Variants in BNC1 observed in about 807,000 individuals in gnomAD.
BNC1 encodes basonuclin zinc finger protein 1.
BNC1 carries 8 observed loss-of-function variants against 66.5 expected under a neutral mutation model. The ratio of observed to expected loss-of-function variants is 0.12; its 90% CI spans 0.07 to 0.22. The LOEUF (loss-of-function observed/expected upper bound fraction) is 0.22, where lower values mean the gene tolerates loss of function less well. BNC1 is among the 10% of genes least tolerant of loss of function. The probability of loss-of-function intolerance (pLI) is 1.00; values close to 1 mark genes in which losing one functional copy is unlikely to be tolerated. For missense variants in BNC1, 1,069 were observed against 1,241.3 expected (o/e 0.86, Z 2.09); for synonymous variants, 454 against 452.6 (o/e 1.00, Z -0.04).
chr15:83,258,060 A>G lies in BNC1; in HGVS notation c.2367T>C (p.Asp789=). The G allele has an allele frequency of 1.9e-6, 3 of 1,613,434 alleles. No individual in the cohort carries two copies. Among genetic ancestry groups the G allele is most frequent in the Non-Finnish European group, 2.5e-6 (3 of 1,179,378 alleles). Residue 789 remains aspartate (D), a synonymous_variant, in exon 5 of 5, where the codon GAT becomes GAC. Coordinates refer to ENST00000345382, the MANE Select transcript of BNC1 (RefSeq NM_001717.4). Reference sequence around the variant, plus strand: ...TCAGAAGGTAAGCTGCACGGAAATGATCTTCACTACTCTCCAATGCTTCCT... The same window carrying G: ...TCAGAAGGTAAGCTGCACGGAAATGGTCTTCACTACTCTCCAATGCTTCCT... The part of the protein sequence containing the change: ...LSQEALESSE[D]HFRAAYLLKD...
chr15:83,261,115 A>G (rs1480320820), intron 4 of BNC1, among the ~76,000 whole-genome samples: 1 of 152,238 alleles, frequency 6.6e-6, no homozygotes, highest in Non-Finnish European at 1.5e-5. Flanking sequence ...AGGATAGAAC[A>G]GTATCATAAA....
Position 83,268,127 on chromosome 15 carries a change from A to G in BNC1, c.199+6T>C, listed in dbSNP as rs368590111. 2 of 1,613,096 alleles carry G rather than the reference A, an allele frequency of 1.2e-6. No homozygotes were observed. Among genetic ancestry groups the G allele is most frequent in the East Asian group, 4.5e-5 (2 of 44,886 alleles). ...CAGGCCAAGAGAGGGTGAAAAATAA[A>G]GTTACCGTGGGCCACCCATCCATGC... On this transcript the variant is annotated splice_donor_region_variant and intron_variant, in intron 2 of 4. Coordinates refer to ENST00000345382, the MANE Select transcript of BNC1 (RefSeq NM_001717.4).
In BNC1 at chr15:83,257,677, T is replaced by C. The variant is rs1451283399; in HGVS notation, c.2750A>G (p.Gln917Arg). Reference protein sequence around the residue: ...PICVLMEKADQSLASLPSGLP... With the variant: ...PICVLMEKADRSLASLPSGLP... ...CCCAGAAGGCAGGCTAGCAAGGCTC[T>C]GGTCAGCCTTCTCCATCAGGACACA... The change falls in exon 5 of 5, where the codon CAG becomes CGG. Residue 917 changes from glutamine (Q) to arginine (R), a missense_variant. This residue lies in a region of BNC1 where 657 missense variants were observed against 715.8 expected (regional missense o/e 0.92). Coordinates refer to ENST00000345382, the MANE Select transcript of BNC1 (RefSeq NM_001717.4). 8.7e-6 allele frequency: 14 copies of C among 1,614,156 alleles called. No individual in the cohort carries two copies. The highest frequency in any genetic ancestry group is 1.2e-5 in the Non-Finnish European group (14 of 1,180,020).
At chr15:83,272,173 A>G (rs948255986) in intron 1 of BNC1, among the ~76,000 whole-genome samples, 1 of 152,222 alleles carries the variant, frequency 6.6e-6, no homozygotes, top group African/African-American at 2.4e-5. Context: ...GAAAAATTTT[A>G]AAAGGGAGAA....
At chr15:83,269,654 GA>G (rs2038251114) in intron 1 of BNC1, among the ~76,000 whole-genome samples, 6 of 152,050 alleles carry the variant, frequency 3.9e-5, no homozygotes, top group Admixed American at 3.9e-4. Flanking sequence ...AGCCACTTTG[GA>G]AAACATTCTG....
intron 1 of BNC1, among the ~76,000 whole-genome samples, chr15:83,280,801 A>G (rs1274633113): frequency 6.6e-6 from 1 of 152,242 alleles, no homozygotes; most frequent in African/African-American, 2.4e-5. Context: ...GAGACCATCA[A>G]ACTAATCTAA....
rs1040425302 is a variant in BNC1 at position 83,263,179 on chromosome 15, C to T, written c.2072G>A (p.Gly691Glu). 1.2e-6 allele frequency: 2 copies of T among 1,614,222 alleles called. No homozygotes were observed. The highest frequency in any genetic ancestry group is 1.7e-6 in the Non-Finnish European group (2 of 1,180,048). The change falls in exon 4 of 5, where the codon GGA becomes GAA. Residue 691 changes from glycine to glutamate, a missense_variant. Around this residue, in one of 7 missense-constraint regions of BNC1, gnomAD observed 657 missense variants for 715.8 expected, o/e 0.92. Transcript: ENST00000345382. ...GGLFSALSNR[G>E]MAFPCLEDSK... ...ATCTTCAAGACAAGGAAAAGCCATT[C>T]CCCTGTTGGACAAAGCACTGAAGAG... is the stretch of plus-strand genomic sequence containing the variant.
At chr15:83,269,029 G>A (rs2151437388) in intron 1 of BNC1, among the ~76,000 whole-genome samples, 1 of 152,282 alleles carries the variant, frequency 6.6e-6, no homozygotes, top group East Asian at 1.9e-4. Context: ...TTCAAGACCA[G>A]CCTGGCCAAT....
intron 1 of BNC1, among the ~76,000 whole-genome samples, chr15:83,283,735 G>T (rs1595945189): frequency 6.6e-6 from 1 of 152,206 alleles, no homozygotes; most frequent in South Asian, 2.1e-4. Context: ...TCTGAAAGAC[G>T]GGCCACCTCG....
At position 83,256,854 on chromosome 15, in the gene BNC1, C is replaced by T. The variant is rs2038078901; in HGVS notation, c.*588G>A. ...TAACAAGGAACATGTTAGAGGCCAA[C>T]CCAATCCTCTGAGAACTCCCTGGGG... On this transcript the variant is annotated 3_prime_UTR_variant, in exon 5 of 5. Transcript: ENST00000345382. The T allele has an allele frequency of 6.6e-6, 1 of 152,434 alleles. No individual in the cohort carries two copies. The allele number at this position is 152,434 out of a possible 1,614,324, so 9.4% of individuals were successfully genotyped here.
intron 1 of BNC1, among the ~76,000 whole-genome samples, chr15:83,282,516 A>C (rs1391484004): frequency 6.6e-6 from 1 of 152,238 alleles, no homozygotes; most frequent in Non-Finnish European, 1.5e-5. Flanking sequence ...TGATGTACAA[A>C]ATTTTATTTT....
intron 3 of BNC1, 70 bp downstream of exon 3, chr15:83,266,766 G>C: frequency 7.4e-7 from 1 of 1,353,048 alleles, no homozygotes; most frequent in Non-Finnish European, 1.1e-6. Context: ...GAGGTAACTG[G>C]GTTACGTCAG....
rs774966498 is a variant in BNC1, at chr15:83,257,817, G to A, written c.2610C>T (p.Ser870=). The change falls in exon 5 of 5, where the codon AGC becomes AGT. Residue 870 remains serine, a synonymous_variant. Transcript: ENST00000345382. Reference sequence around the variant, plus strand: ...CCCCGTCAGAGTCCCAGGAAGAATGGCTGCTACTCTCTGACTTCATGCTCG... The same window carrying A: ...CCCCGTCAGAGTCCCAGGAAGAATGACTGCTACTCTCTGACTTCATGCTCG... ...TTSSMKSESS[S]HSSWDSDGVS... 10 of 1,613,994 alleles carry A rather than the reference G, an allele frequency of 6.2e-6. No individual in the cohort carries two copies. The highest frequency in any genetic ancestry group is 5.1e-6 in the Non-Finnish European group (6 of 1,180,018).
At chr15:83,259,937 T>C (rs912820207) in intron 4 of BNC1, among the ~76,000 whole-genome samples, 28 of 152,160 alleles carry the variant, frequency 1.8e-4, no homozygotes, top group African/African-American at 6.5e-4. Flanking sequence ...TCACTGCCCA[T>C]GTCTCCATCT....
intron 4 of BNC1, among the ~76,000 whole-genome samples, chr15:83,261,074 C>T (rs1426938172): frequency 6.6e-6 from 1 of 152,054 alleles, no homozygotes; most frequent in Non-Finnish European, 1.5e-5. Context: ...TATCTTGAAT[C>T]CAATATGCCT....
At chr15:83,279,858 A>C (rs2038360970) in intron 1 of BNC1, among the ~76,000 whole-genome samples, 1 of 152,194 alleles carries the variant, frequency 6.6e-6, no homozygotes. Context: ...GAAATGAGAG[A>C]CCAAAGACTG....
At chr15:83,271,978 C>T (rs1019213535) in intron 1 of BNC1, among the ~76,000 whole-genome samples, 2 of 152,142 alleles carry the variant, frequency 1.3e-5, no homozygotes, top group African/African-American at 4.8e-5. Context: ...TTCTAAAAGG[C>T]ACGATTAACT....
At chr15:83,278,253 A>C (rs949231288) in intron 1 of BNC1, among the ~76,000 whole-genome samples, 6 of 152,240 alleles carry the variant, frequency 3.9e-5, no homozygotes, top group African/African-American at 1.4e-4. Flanking sequence ...TCATTTATTT[A>C]ACAAGGTTTT....
intron 4 of BNC1, among the ~76,000 whole-genome samples, chr15:83,262,279 T>C (rs1333220760): frequency 6.6e-6 from 1 of 152,082 alleles, no homozygotes; most frequent in Non-Finnish European, 1.5e-5. Flanking sequence ...TCTCGATCTC[T>C]TGACCTTGTG....
Sources: gnomAD v4.1 joint callset for allele counts (sites outside exome capture counted in the v4.1 genomes callset) on GRCh38, gnomAD v4.1.1 for gene constraint, gnomAD v4.1.1 regional missense constraint, MANE v1.5 for transcripts, NCBI Gene and HGNC (gene_info 2026-07-23, HGNC 2026-07-21) for gene names.